Variants in KIF26B observed in about 807,000 individuals in gnomAD.
The protein encoded by KIF26B is kinesin-like protein KIF26B.
KIF26B carries 63 observed loss-of-function variants against 151.2 expected under a neutral mutation model. The ratio of observed to expected loss-of-function variants is 0.42; its 90% confidence interval spans 0.34 to 0.51. The LOEUF is 0.51. Among genes scored for constraint, KIF26B ranks in the 20% least tolerant of loss-of-function variants. KIF26B has a pLI of 0.07. For synonymous variants in KIF26B, 1,357 were observed against 1,262.1 expected (o/e 1.08, Z -1.59); for missense variants, 2,813 against 2,913.6 (o/e 0.97, Z 0.79).
intron 2 of KIF26B, among the ~76,000 whole-genome samples, chr1:245,282,434 G>T (rs1050567906): frequency 2.0e-5 from 3 of 152,162 alleles, no homozygotes; most frequent in Admixed American, 6.5e-5. Context: ...AATGGAAGCC[G>T]TTAGAAACTG....
At chr1:245,385,784 A>T (rs1197457031) in intron 3 of KIF26B, among the ~76,000 whole-genome samples, 1 of 152,206 alleles carries the variant, frequency 6.6e-6, no homozygotes, top group Non-Finnish European at 1.5e-5. Context: ...TCTCCAACAG[A>T]TGGAGACAGG....
intron 10 of KIF26B, among the ~76,000 whole-genome samples, chr1:245,668,099 T>C (rs1487842691): frequency 6.6e-6 from 1 of 152,200 alleles, no homozygotes; most frequent in Non-Finnish European, 1.5e-5. Context: ...TTTCACCATG[T>C]TGGTCAGGCT....
At chr1:245,257,558 T>C (rs1182879258) in intron 2 of KIF26B, among the ~76,000 whole-genome samples, 1 of 152,200 alleles carries the variant, frequency 6.6e-6, no homozygotes, top group Non-Finnish European at 1.5e-5. Context: ...ATTTTTGTCG[T>C]TAAACGAGTT....
At chr1:245,547,000 C>T (rs1450134166) in intron 5 of KIF26B, among the ~76,000 whole-genome samples, 1 of 152,230 alleles carries the variant, frequency 6.6e-6, no homozygotes, top group African/African-American at 2.4e-5. Context: ...TTAATCTTCG[C>T]GGTTTCTTTT....
At chr1:245,317,412 C>T (rs917432768) in intron 2 of KIF26B, among the ~76,000 whole-genome samples, 1 of 152,128 alleles carries the variant, frequency 6.6e-6, no homozygotes, top group African/African-American at 2.4e-5. Context: ...AAGCTTGAGG[C>T]CAGAGCTGGA....
chr1:245,292,153 G>C (rs79844926), intron 2 of KIF26B, among the ~76,000 whole-genome samples: 1 of 152,202 alleles, frequency 6.6e-6, no homozygotes, highest in Non-Finnish European at 1.5e-5. Context: ...CGGGGTGTGA[G>C]GAAGAAAGCA....
chr1:245,537,417 G>C (rs914926984), intron 4 of KIF26B, among the ~76,000 whole-genome samples: 112 of 152,328 alleles, frequency 7.4e-4, no homozygotes, highest in African/African-American at 2.4e-3. Context: ...GTGATATGGA[G>C]AGCCAAAGGG....
At chr1:245,627,744 T>C (rs970531770) in intron 9 of KIF26B, among the ~76,000 whole-genome samples, 1 of 150,044 alleles carries the variant, frequency 6.7e-6, no homozygotes, top group African/African-American at 2.5e-5. Flanking sequence ...ACTAGACTAA[T>C]AAAGAAGAAA....
At chr1:245,220,429 AGG>A (rs560387706) in intron 2 of KIF26B, among the ~76,000 whole-genome samples, 81,990 of 151,826 alleles carry the variant, frequency 0.54, 24,906 homozygotes, top group Non-Finnish European at 0.68. Context: ...TCCAGGGTCC[AGG>A]GTCCAGGGTC....
intron 4 of KIF26B, among the ~76,000 whole-genome samples, chr1:245,531,123 G>C (rs1267013740): frequency 6.6e-6 from 1 of 152,110 alleles, no homozygotes; most frequent in Non-Finnish European, 1.5e-5. Context: ...CTATAATATG[G>C]AGATATGTTG....
chr1:245,284,089 T>C (rs6680672), intron 2 of KIF26B, among the ~76,000 whole-genome samples: 90,323 of 152,074 alleles, frequency 0.59, 27,222 homozygotes, highest in East Asian at 0.7. Flanking sequence ...GTGCTGAATT[T>C]AGTATCAATC....
intron 2 of KIF26B, among the ~76,000 whole-genome samples, chr1:245,337,713 A>G (rs1346013786): frequency 6.6e-6 from 1 of 152,198 alleles, no homozygotes; most frequent in African/African-American, 2.4e-5. Context: ...TGCACACACA[A>G]ACACACACAC....
At chr1:245,384,942 T>TG (rs1673506223) in intron 3 of KIF26B, among the ~76,000 whole-genome samples, 1 of 152,232 alleles carries the variant, frequency 6.6e-6, no homozygotes, top group Non-Finnish European at 1.5e-5. Context: ...ATACATCTTA[T>TG]GTCTTTTTCT....
intron 2 of KIF26B, among the ~76,000 whole-genome samples, chr1:245,330,895 C>CTT (rs1011761460): frequency 6.6e-6 from 1 of 151,500 alleles, no homozygotes; most frequent in Non-Finnish European, 1.5e-5. Context: ...AAATGAAGTG[C>CTT]TTTTTTTAAA....
chr1:245,284,467 A>G (rs4658740), intron 2 of KIF26B, among the ~76,000 whole-genome samples: 97,527 of 151,838 alleles, frequency 0.64, 31,958 homozygotes, highest in African/African-American at 0.77. Flanking sequence ...CTCCAGCCCT[A>G]AACTCAGGCA....
At chr1:245,655,119 G>A (rs2044059596) in intron 10 of KIF26B, among the ~76,000 whole-genome samples, 1 of 152,168 alleles carries the variant, frequency 6.6e-6, no homozygotes, top group South Asian at 2.1e-4. Flanking sequence ...AGCTAGTGCT[G>A]AGCTGAGGCC....
At chr1:245,660,977 CTTTTCTT>C (rs1328729998) in intron 10 of KIF26B, among the ~76,000 whole-genome samples, 1 of 142,448 alleles carries the variant, frequency 7.0e-6, no homozygotes, top group African/African-American at 2.6e-5. Flanking sequence ...CCATCCCTGG[CTTTTCTT>C]TTTTCTTTTT....
rs540977773 is a variant in KIF26B, at chr1:245,327,480, C to T, written c.466-39354C>T. Reference sequence around the variant, plus strand: ...CATTTTGGTCTGTCTGCTCCCCAAACTTTTAGCTATGAAACATCTCTAGAA... The same window carrying T: ...CATTTTGGTCTGTCTGCTCCCCAAATTTTTAGCTATGAAACATCTCTAGAA... On this transcript the variant is annotated intron_variant, in intron 2 of 14. Transcript: ENST00000407071. 2.6e-5 allele frequency among the ~76,000 whole-genome samples: 4 copies of T among 152,268 alleles called. No individual in the cohort carries two copies. In the South Asian group the frequency reaches 8.3e-4, roughly 32 times the overall value.
At chr1:245,350,829 T>C (rs1423770896) in intron 2 of KIF26B, among the ~76,000 whole-genome samples, 2 of 152,198 alleles carry the variant, frequency 1.3e-5, no homozygotes, top group African/African-American at 4.8e-5. Context: ...GCAGTGTATA[T>C]ATGTGTGAAG....
Sources: gnomAD v4.1 joint callset for allele counts (sites outside exome capture counted in the v4.1 genomes callset) on GRCh38, gnomAD v4.1.1 for gene constraint, MANE v1.5 for transcripts, NCBI Gene and HGNC (gene_info 2026-07-23, HGNC 2026-07-21) for gene names.